Variants in LRRC37A3 observed in about 807,000 individuals in gnomAD.
LRRC37A3 encodes leucine rich repeat containing 37 member A3.
A neutral mutation model predicts 106.2 loss-of-function variants in LRRC37A3; 25 were observed. That is an observed-to-expected ratio of 0.24 (90% confidence interval 0.17 to 0.33). LRRC37A3 has a LOEUF of 0.33. LRRC37A3 is among the 10% of genes least tolerant of loss of function. The pLI is 1.00. For synonymous variants in LRRC37A3, 305 were observed against 635.8 expected (o/e 0.48, Z 7.83); for missense variants, 712 against 1,644.9 (o/e 0.43, Z 9.81).
At chr17:64,893,941 C>G (rs1974045781) in intron 4 of LRRC37A3, among the ~76,000 whole-genome samples, 1 of 148,424 alleles carries the variant, frequency 6.7e-6, no homozygotes, top group African/African-American at 2.6e-5. Flanking sequence ...CGTGAGCCAC[C>G]ACACCCAGCC....
chr17:64,859,597 G>A lies in LRRC37A3; in HGVS notation c.4549C>T (p.Leu1517Phe). The A allele has an allele frequency of 6.2e-7, 1 of 1,613,084 alleles. No homozygotes were observed. Among genetic ancestry groups the A allele is most frequent in the Non-Finnish European group, 8.5e-7 (1 of 1,179,886 alleles). ...GAHVQVTCAK[L>F]VSRTGHLMKL... ...ATCAGGTGGCCTGTCCTGGAGACGA[G>A]CTTGGCACAGGTCACTTGCACATGG... is the stretch of plus-strand genomic sequence containing the variant. The change falls in exon 12 of 15, where the codon CTC becomes TTC. Residue 1517 changes from leucine to phenylalanine, a missense_variant. Physicochemically the swap from Leu to Phe is conservative, Grantham distance 22 (BLOSUM62 0). Transcript: ENST00000584306.
chr17:64,857,587 C>A, intron 13 of LRRC37A3, among the ~76,000 whole-genome samples: 1 of 152,150 alleles, frequency 6.6e-6, no homozygotes, highest in African/African-American at 2.4e-5. Flanking sequence ...ACCTCCCAGG[C>A]TCAAGCGATC....
At chr17:64,874,408 C>T (rs1283243893) in intron 8 of LRRC37A3, among the ~76,000 whole-genome samples, 7 of 150,480 alleles carry the variant, frequency 4.7e-5, no homozygotes, top group East Asian at 2.0e-4. Context: ...CCCCTCCGCC[C>T]GGCAGTCGCC....
chr17:64,893,817 T>C (rs1469754884), intron 4 of LRRC37A3, among the ~76,000 whole-genome samples: 3 of 148,122 alleles, frequency 2.0e-5, no homozygotes, highest in Admixed American at 2.0e-4. Flanking sequence ...GCCTGGCTAA[T>C]TTTTTTCTGT....
At chr17:64,863,969 T>G (rs1425007895) in intron 10 of LRRC37A3, among the ~76,000 whole-genome samples, 1 of 147,548 alleles carries the variant, frequency 6.8e-6, no homozygotes, top group East Asian at 2.0e-4. Flanking sequence ...CATGCCCAGC[T>G]AATTTTTTTT....
intron 10 of LRRC37A3, among the ~76,000 whole-genome samples, chr17:64,865,570 G>T (rs1245594636): frequency 6.6e-6 from 1 of 152,122 alleles, no homozygotes; most frequent in Non-Finnish European, 1.5e-5. Flanking sequence ...GGAATCAATA[G>T]TTGCTAATAC....
chr17:64,864,319 T>C (rs1238610501), intron 10 of LRRC37A3, among the ~76,000 whole-genome samples: 1 of 152,206 alleles, frequency 6.6e-6, no homozygotes, highest in Non-Finnish European at 1.5e-5. Flanking sequence ...ACAAGACAAC[T>C]ATCTTTGACT....
chr17:64,866,334 G>A (rs1424282335), intron 10 of LRRC37A3, among the ~76,000 whole-genome samples: 3 of 151,742 alleles, frequency 2.0e-5, no homozygotes, highest in African/African-American at 4.8e-5. Flanking sequence ...TGACAACCTG[G>A]TGAAGATAAG....
chr17:64,873,076 A>G (rs1973375742), intron 8 of LRRC37A3, among the ~76,000 whole-genome samples: 2 of 151,964 alleles, frequency 1.3e-5, no homozygotes. Context: ...ATAATGCGAG[A>G]CTTTACAGAA....
chr17:64,910,384 C>T (rs1974562457), intron 2 of LRRC37A3, among the ~76,000 whole-genome samples: 1 of 152,278 alleles, frequency 6.6e-6, no homozygotes, highest in Non-Finnish European at 1.5e-5. Context: ...CATCTGTTGA[C>T]TCCTTTAGAG....
intron 8 of LRRC37A3, among the ~76,000 whole-genome samples, chr17:64,878,125 T>G (rs892763911): frequency 3.3e-5 from 5 of 152,078 alleles, no homozygotes; most frequent in African/African-American, 1.2e-4. Flanking sequence ...CCAAACTGGA[T>G]TTTTTTTCTT....
At position 64,883,834 on chromosome 17, in the gene LRRC37A3, TTGTGCCAATCTTTGA is replaced by T. The variant is rs1471497879; in HGVS notation, c.2906+2237_2906+2251del. Among the ~76,000 whole-genome samples, 375 of 151,688 alleles carry T rather than the reference TTGTGCCAATCTTTGA, an allele frequency of 2.5e-3. 2 individuals carry two copies. Among genetic ancestry groups the T allele is most frequent in the Admixed American group, 4.0e-3 (61 of 15,212 alleles). ...ACATACACTTGGTGTGTTGAGACCC[TTGTGCCAATCTTTGA>T]AAGTAACTGTGACTTAGTTTGAAGG... On this transcript the variant is annotated intron_variant, in intron 8 of 14. Transcript: ENST00000584306.
In LRRC37A3 at chr17:64,859,985, A is replaced by G. The variant is rs183351062; in HGVS notation, c.4161T>C (p.Asn1387=). The G allele has an allele frequency of 1.7e-5, 28 of 1,613,632 alleles. No individual in the cohort carries two copies. In the Middle Eastern group the frequency reaches 9.9e-4, roughly 57 times the overall value. Residue 1387 remains asparagine (N), a synonymous_variant, in exon 12 of 15, where the codon AAT becomes AAC. Coordinates refer to ENST00000584306, the MANE Select transcript of LRRC37A3 (RefSeq NM_199340.5). ...CATTTCTTGCAGTTGTGTCTTTTGT[A>G]TTATTGTTTTCTATAAAATGTTCTG... ...APSEHFIENN[N]TKDTTARNAF... is the part of the protein sequence containing the mutation.
rs1345440635 is a variant in LRRC37A3, at chr17:64,866,445, TC to T, written c.3053+2016del. On this transcript the variant is annotated intron_variant, in intron 10 of 14. Coordinates refer to ENST00000584306, the MANE Select transcript of LRRC37A3 (RefSeq NM_199340.5). Reference sequence around the variant, plus strand: ...CTCAACCAGCCCTAGCATAACTGAGTCTCTATTTAGCTTGCCATATTGTGGG... The same window carrying T: ...CTCAACCAGCCCTAGCATAACTGAGTTCTATTTAGCTTGCCATATTGTGGG... 2.7e-5 allele frequency among the ~76,000 whole-genome samples: 4 copies of T among 148,902 alleles called. No individual in the cohort carries two copies. In the East Asian group the frequency reaches 7.9e-4, roughly 29 times the overall value.
intron 2 of LRRC37A3, among the ~76,000 whole-genome samples, chr17:64,904,138 CAA>C (rs112214563): frequency 2.5e-4 from 34 of 135,856 alleles, no homozygotes; most frequent in Non-Finnish European, 2.5e-4. Context: ...GACTCTGCTT[CAA>C]AAAAAAAAAA....
chr17:64,863,481 C>T (rs995986313), intron 10 of LRRC37A3: 2 of 175,402 alleles, frequency 1.1e-5, no homozygotes, highest in African/African-American at 2.4e-5. Flanking sequence ...ATAACAAAGA[C>T]TGCATTGGTC....
Position 64,901,231 on chromosome 17 carries a change from A to C in LRRC37A3, c.-495-2772T>G, listed in dbSNP as rs531898845. 127 of 151,184 alleles carry C rather than the reference A, an allele frequency of 8.4e-4. 1 individual carries two copies. Among genetic ancestry groups the C allele is most frequent in the African/African-American group, 3.1e-3 (126 of 40,428 alleles). The allele number at this position is 151,184 out of a possible 1,614,324, so 9.4% of individuals were successfully genotyped here. A position where few individuals can be genotyped will look rare whatever the true frequency, so the allele number is the denominator to read the frequency against. On this transcript the variant is annotated intron_variant, in intron 2 of 14. Coordinates refer to ENST00000584306, the MANE Select transcript of LRRC37A3 (RefSeq NM_199340.5). ...TTCAAAGGACTTTATGATCTTACAGATAGGAACTAAGGAATAATAACATAA... is the reference window on the plus strand; with the variant it reads ...TTCAAAGGACTTTATGATCTTACAGCTAGGAACTAAGGAATAATAACATAA...
At chr17:64,915,876 T>C (rs1204901988) in intron 2 of LRRC37A3, among the ~76,000 whole-genome samples, 1 of 151,902 alleles carries the variant, frequency 6.6e-6, no homozygotes, top group East Asian at 1.9e-4. Flanking sequence ...GGTAGGCAGA[T>C]TGCTTGAGCT....
At chr17:64,913,184 G>A (rs1227417878) in intron 2 of LRRC37A3, among the ~76,000 whole-genome samples, 1 of 151,508 alleles carries the variant, frequency 6.6e-6, no homozygotes, top group Non-Finnish European at 1.5e-5. Context: ...AGCTGCCACC[G>A]TGCCTGGCTA....
Sources: allele counts gnomAD v4.1 joint callset (sites outside exome capture counted in the v4.1 genomes callset), GRCh38; gene constraint gnomAD v4.1.1; transcripts MANE v1.5; gene names NCBI Gene and HGNC (gene_info 2026-07-23, HGNC 2026-07-21).